The following FARS2 variants were observed in gnomAD, a reference collection of about 807,000 sequenced individuals.
FARS2 encodes phenylalanine--tRNA ligase, mitochondrial.
In FARS2, 40 loss-of-function variants were observed where a neutral mutation model predicts 46.4. The observed-to-expected ratio is 0.86, with a 90% confidence interval of 0.67 to 1.12. The LOEUF (loss-of-function observed/expected upper bound fraction) is 1.12, where lower values mean the gene tolerates loss of function less well. FARS2 is among the 50% of genes most tolerant of loss of function. The pLI, the probability that FARS2 is intolerant of heterozygous loss-of-function variation, is 0.00. For missense variants in FARS2, 513 were observed against 567.9 expected (o/e 0.90, Z 0.98); for synonymous variants, 234 against 214.9 (o/e 1.09, Z -0.78).
At chr6:5,613,615 T>C (rs983670084) in intron 6 of FARS2, among the ~76,000 whole-genome samples, 1 of 152,210 alleles carries the variant, frequency 6.6e-6, no homozygotes, top group African/African-American at 2.4e-5. Flanking sequence ...TACCTTAGCA[T>C]GTTCCAGGTG....
At chr6:5,568,674 T>C (rs985840715) in intron 5 of FARS2, among the ~76,000 whole-genome samples, 4 of 152,120 alleles carry the variant, frequency 2.6e-5, no homozygotes, top group East Asian at 1.9e-4. Context: ...GTGTGGGGAA[T>C]GTGGGCAGTG....
chr6:5,608,487 C>T (rs994589522), intron 5 of FARS2, among the ~76,000 whole-genome samples: 1 of 152,096 alleles, frequency 6.6e-6, no homozygotes, highest in Non-Finnish European at 1.5e-5. Flanking sequence ...TCACCTATGA[C>T]TTCTAAAGTC....
intron 1 of FARS2, among the ~76,000 whole-genome samples, chr6:5,299,986 T>G (rs1025927005): frequency 1.3e-5 from 2 of 152,226 alleles, no homozygotes; most frequent in South Asian, 4.1e-4. Flanking sequence ...TTGCCTTTTT[T>G]ATTTATATAT....
At chr6:5,310,624 G>A (rs1351381688) in intron 1 of FARS2, among the ~76,000 whole-genome samples, 1 of 152,136 alleles carries the variant, frequency 6.6e-6, no homozygotes, top group East Asian at 1.9e-4. Flanking sequence ...AAAAACAAAT[G>A]AAAATGTGCA....
chr6:5,620,023 C>T (rs78206678), intron 6 of FARS2, among the ~76,000 whole-genome samples: 1,886 of 152,234 alleles, frequency 0.012, 39 homozygotes, highest in African/African-American at 0.041. Flanking sequence ...TCGGCCCTTA[C>T]ATAGAGAAGT....
chr6:5,271,707 C>T (rs1263310946), intron 1 of FARS2, among the ~76,000 whole-genome samples: 8 of 151,694 alleles, frequency 5.3e-5, no homozygotes, highest in African/African-American at 1.7e-4. Context: ...GGACTACAGT[C>T]GCCCGCCACC....
At chr6:5,479,883 GCACCCTGTT>G (rs1766345885) in intron 4 of FARS2, among the ~76,000 whole-genome samples, 1 of 152,208 alleles carries the variant, frequency 6.6e-6, no homozygotes, top group Non-Finnish European at 1.5e-5. Flanking sequence ...CTATATTGAT[GCACCCTGTT>G]CTAGCACAAC....
rs541226971 is a variant in FARS2, at chr6:5,691,970, C to T, written c.1217+78650C>T. On this transcript the variant is annotated intron_variant, in intron 6 of 6. Transcript: ENST00000274680. The stretch of plus-strand genomic sequence containing the variant: ...CTAGCAATGAGCGAGGCTCCGTGGG[C>T]GTAGGACCCTCCGAGCCAGGCGCGG... 3.3e-5 allele frequency among the ~76,000 whole-genome samples: 5 copies of T among 152,334 alleles called. No individual in the cohort carries two copies. The South Asian group carries it at 6.2e-4, about 19-fold the overall frequency.
chr6:5,390,510 C>A (rs980909600), intron 2 of FARS2, among the ~76,000 whole-genome samples: 5 of 152,192 alleles, frequency 3.3e-5, no homozygotes, highest in African/African-American at 1.2e-4. Flanking sequence ...CATCATCTTT[C>A]AGAATTTTAT....
intron 1 of FARS2, among the ~76,000 whole-genome samples, chr6:5,322,602 G>C (rs1770060090): frequency 1.3e-5 from 2 of 152,122 alleles, no homozygotes; most frequent in Non-Finnish European, 2.9e-5. Flanking sequence ...GTTATAATAG[G>C]GTGGGAAGTA....
At chr6:5,325,903 A>G (rs1331699536) in intron 1 of FARS2, among the ~76,000 whole-genome samples, 1 of 152,218 alleles carries the variant, frequency 6.6e-6, no homozygotes, top group Non-Finnish European at 1.5e-5. Flanking sequence ...AATATTATAA[A>G]TAAATATGAA....
intron 5 of FARS2, among the ~76,000 whole-genome samples, chr6:5,579,288 T>C (rs1226303825): frequency 6.6e-6 from 1 of 152,096 alleles, no homozygotes; most frequent in African/African-American, 2.4e-5. Flanking sequence ...TTAGATGGAG[T>C]ATTGCTCTGT....
intron 6 of FARS2, among the ~76,000 whole-genome samples, chr6:5,732,654 G>A (rs1321317914): frequency 2.0e-5 from 3 of 152,204 alleles, no homozygotes; most frequent in African/African-American, 7.2e-5. Context: ...GAGCCCGGGA[G>A]CAAGAGCCCT....
At chr6:5,438,253 C>A (rs1356158074) in intron 4 of FARS2, among the ~76,000 whole-genome samples, 2 of 84,084 alleles carry the variant, frequency 2.4e-5, no homozygotes, top group African/African-American at 8.9e-5. Context: ...CCCGCCCCCC[C>A]CCCCATTTTT....
At chr6:5,653,729 C>T (rs1777477715) in intron 6 of FARS2, among the ~76,000 whole-genome samples, 1 of 152,186 alleles carries the variant, frequency 6.6e-6, no homozygotes. Flanking sequence ...TTCATTTACC[C>T]ATTCAACAAT....
At chr6:5,762,162 T>C (rs1038858961) in intron 6 of FARS2, among the ~76,000 whole-genome samples, 1 of 152,234 alleles carries the variant, frequency 6.6e-6, no homozygotes, top group Non-Finnish European at 1.5e-5. Flanking sequence ...TGGGCTGAAG[T>C]AGAGGTGGAT....
intron 1 of FARS2, among the ~76,000 whole-genome samples, chr6:5,296,316 T>C (rs1455351771): frequency 6.6e-6 from 1 of 151,848 alleles, no homozygotes; most frequent in African/African-American, 2.4e-5. Context: ...TAATTTTTTG[T>C]ATTTTTAGTA....
chr6:5,348,068 A>G (rs1757346767), intron 1 of FARS2, among the ~76,000 whole-genome samples: 1 of 152,146 alleles, frequency 6.6e-6, no homozygotes, highest in African/African-American at 2.4e-5. Context: ...GGAATTCTTC[A>G]TATATCCAGC....
chr6:5,391,913 G>T (rs1409651836), intron 2 of FARS2, among the ~76,000 whole-genome samples: 1 of 152,186 alleles, frequency 6.6e-6, no homozygotes, highest in Non-Finnish European at 1.5e-5. Context: ...TTTGTAAGCA[G>T]TTGTAGTTGG....
Sources: gnomAD v4.1 joint callset for allele counts (sites outside exome capture counted in the v4.1 genomes callset) on GRCh38, gnomAD v4.1.1 for gene constraint, MANE v1.5 for transcripts, NCBI Gene and HGNC (gene_info 2026-07-23, HGNC 2026-07-21) for gene names.